Variants in TCF4 observed in about 807,000 individuals in gnomAD.
The protein encoded by TCF4 is transcription factor 4, also known as SL3-3 enhancer factor 2.
A neutral mutation model predicts 82.1 loss-of-function variants in TCF4; 3 were observed. The observed-to-expected ratio is 0.04, with a 90% CI of 0.02 to 0.09. The LOEUF is 0.09. Among genes scored for constraint, TCF4 ranks in the 10% least tolerant of loss-of-function variants. The pLI is 1.00. For missense variants in TCF4, 518 were observed against 852.7 expected (o/e 0.61, Z 4.89); for synonymous variants, 276 against 309.6 (o/e 0.89, Z 1.14).
chr18:55,358,165 A>G (rs2084072841), intron 6 of TCF4, among the ~76,000 whole-genome samples: 1 of 152,254 alleles, frequency 6.6e-6, no homozygotes, highest in Admixed American at 6.5e-5. Context: ...AACTTTCTAC[A>G]GTGCCTGGCG....
chr18:55,487,438 C>A (rs532521017), intron 3 of TCF4, among the ~76,000 whole-genome samples: 1 of 152,150 alleles, frequency 6.6e-6, no homozygotes, highest in African/African-American at 2.4e-5. Context: ...GACACCAATG[C>A]CTGGCTAAGG....
intron 8 of TCF4, among the ~76,000 whole-genome samples, chr18:55,313,774 GA>G (rs990127496): frequency 6.6e-5 from 10 of 152,204 alleles, no homozygotes; most frequent in African/African-American, 2.4e-4. Context: ...AACTCAACCA[GA>G]AGAAAAGTAT....
chr18:55,287,468 G>T (rs1024707050), intron 8 of TCF4, among the ~76,000 whole-genome samples: 1 of 152,188 alleles, frequency 6.6e-6, no homozygotes, highest in Non-Finnish European at 1.5e-5. Context: ...GTTTTAGGAA[G>T]TCACAAAACG....
intron 3 of TCF4, among the ~76,000 whole-genome samples, chr18:55,555,611 T>C (rs770927752): frequency 7.9e-5 from 12 of 152,226 alleles, no homozygotes; most frequent in Non-Finnish European, 1.3e-4. Flanking sequence ...GAATATTTTA[T>C]GCATATTGTG....
chr18:55,517,431 T>G (rs192494079), intron 3 of TCF4, among the ~76,000 whole-genome samples: 50 of 152,190 alleles, frequency 3.3e-4, no homozygotes, highest in Non-Finnish European at 5.0e-4. Context: ...TGACCACCAT[T>G]GACATCAACA....
chr18:55,450,785 G>GA (rs1426631889), intron 5 of TCF4, among the ~76,000 whole-genome samples: 1 of 152,196 alleles, frequency 6.6e-6, no homozygotes. Flanking sequence ...TCTCCTTGAT[G>GA]AAAACCATGG....
At chr18:55,433,814 G>T (rs2095262390) in intron 5 of TCF4, among the ~76,000 whole-genome samples, 1 of 152,072 alleles carries the variant, frequency 6.6e-6, no homozygotes, top group South Asian at 2.1e-4. Context: ...AGCCTCCTTG[G>T]TTTTATGAGC....
chr18:55,604,502 G>C (rs903035614), intron 2 of TCF4, among the ~76,000 whole-genome samples: 2 of 152,160 alleles, frequency 1.3e-5, no homozygotes, highest in African/African-American at 4.8e-5. Context: ...CTCTGGTTCA[G>C]CTTTTAACAG....
At chr18:55,587,336 GCAAAAAAAAAAAAAAAAAA>G (rs2097659210) in intron 1 of TCF4, 200 bp from the exon 2 acceptor site, 2 of 13,504 alleles carry the variant, frequency 1.5e-4, no homozygotes, top group South Asian at 3.0e-3. Flanking sequence ...GGCAGCAATA[GCAAAAAAAAAAAAAAAAAA>G]AAAAAAAAAA....
intron 9 of TCF4, among the ~76,000 whole-genome samples, chr18:55,279,202 T>C (rs759490157): frequency 9.9e-5 from 15 of 152,270 alleles, no homozygotes; most frequent in Non-Finnish European, 1.5e-4. Flanking sequence ...GTTCAAAACA[T>C]ACATGGAGCT....
At chr18:55,338,703 C>A (rs11659559) in intron 8 of TCF4, among the ~76,000 whole-genome samples, 5,892 of 152,174 alleles carry the variant, frequency 0.039, 149 homozygotes, top group Non-Finnish European at 0.063. Flanking sequence ...GTATTCTCCC[C>A]CCCACAACAA....
At chr18:55,406,846 G>A (rs1455789314) in intron 5 of TCF4, among the ~76,000 whole-genome samples, 4 of 152,202 alleles carry the variant, frequency 2.6e-5, no homozygotes, top group Admixed American at 6.5e-5. Context: ...CGTTCACTGC[G>A]GAATTTTCGA....
intron 8 of TCF4, among the ~76,000 whole-genome samples, chr18:55,342,972 G>A (rs897040113): frequency 6.6e-6 from 1 of 152,060 alleles, no homozygotes; most frequent in Non-Finnish European, 1.5e-5. Context: ...CGTAATTCAG[G>A]AGGCATATTT....
At chr18:55,401,408 G>C in intron 6 of TCF4, 7 of 1,073,572 alleles carry the variant, frequency 6.5e-6, no homozygotes, top group Non-Finnish European at 7.9e-6. Flanking sequence ...ACACTCCACG[G>C]CTACATTACG....
rs562114107 is a variant in TCF4 at position 55,559,759 on chromosome 18, A to G, written c.145+25521T>C. 2.0e-5 allele frequency among the ~76,000 whole-genome samples: 3 copies of G among 152,326 alleles called. No homozygotes were observed. The East Asian group carries it at 5.8e-4, about 29-fold the overall frequency. ...GGTTTTGTAAAATTAATAATTAAAT[A>G]AATCTTTTTTTCCATTCCGTAAATG... is the stretch of plus-strand genomic sequence containing the variant. On this transcript the variant is annotated intron_variant, in intron 3 of 19. Coordinates refer to ENST00000354452, the MANE Select transcript of TCF4 (RefSeq NM_001083962.2).
At chr18:55,378,705 A>C (rs959965589) in intron 6 of TCF4, among the ~76,000 whole-genome samples, 3 of 152,172 alleles carry the variant, frequency 2.0e-5, no homozygotes, top group African/African-American at 7.2e-5. Context: ...ATCTAACATA[A>C]AGTCAGACCT....
At chr18:55,356,250 AG>A (rs1262174674) in intron 6 of TCF4, among the ~76,000 whole-genome samples, 3 of 152,226 alleles carry the variant, frequency 2.0e-5, no homozygotes, top group African/African-American at 4.8e-5. Context: ...CAGATTAAAA[AG>A]TACAAGCTGT....
intron 5 of TCF4, among the ~76,000 whole-genome samples, chr18:55,429,390 T>G (rs1330657808): frequency 1.3e-5 from 2 of 152,188 alleles, no homozygotes; most frequent in African/African-American, 4.8e-5. Flanking sequence ...TCCCTTCCCA[T>G]GTACTAGGTG....
chr18:55,469,476 T>A (rs2096125130), intron 3 of TCF4: 1 of 151,940 alleles, frequency 6.6e-6, no homozygotes, highest in African/African-American at 2.4e-5. Context: ...AAAAAAATAA[T>A]AAATAAAGTA....
Sources: gnomAD v4.1 joint callset for allele counts (sites outside exome capture counted in the v4.1 genomes callset) on GRCh38, gnomAD v4.1.1 for gene constraint, MANE v1.5 for transcripts, NCBI Gene and HGNC (gene_info 2026-07-23, HGNC 2026-07-21) for gene names.